The following MACF1 variants were observed in gnomAD, a reference collection of about 807,000 sequenced individuals.
MACF1 encodes the protein microtubule actin crosslinking factor 1.
In MACF1, 193 loss-of-function variants were observed where a neutral mutation model predicts 854.8. The observed-to-expected ratio is 0.23, with a 90% confidence interval of 0.20 to 0.25. MACF1 has a LOEUF of 0.25. Among genes scored for constraint, MACF1 ranks in the 10% least tolerant of loss-of-function variants. The probability of loss-of-function intolerance (pLI) is 1.00; values close to 1 mark genes in which losing one functional copy is unlikely to be tolerated. For missense variants in MACF1, 7,722 were observed against 8,929.1 expected, an observed-to-expected ratio of 0.86 and a Z score of 5.45; for synonymous variants, 3,185 against 3,226.7, an observed-to-expected ratio of 0.99 and a Z score of 0.44.
chr1:39,328,997 G>T (rs189303827), intron 36 of MACF1, among the ~76,000 whole-genome samples: 2 of 152,260 alleles, frequency 1.3e-5, no homozygotes, highest in Admixed American at 1.3e-4. Flanking sequence ...TTGTCATATT[G>T]TCTGTTCTGA....
At position 39,441,801 on chromosome 1, in the gene MACF1, C is replaced by T. The variant is rs1644124703; in HGVS notation, c.18673-151C>T. 4.7e-6 allele frequency: 3 copies of T among 640,766 alleles called. No homozygotes were observed. In the African/African-American group the frequency reaches 5.6e-5, roughly 12 times the overall value. The allele number at this position is 640,766 out of a possible 1,614,324, so 39.7% of individuals were successfully genotyped here. On this transcript the variant is annotated intron_variant, in intron 74 of 100. Coordinates refer to ENST00000564288, the MANE Select transcript of MACF1 (RefSeq NM_001394062.1). ...ATCACCATATTATTAATATAAAGAT[C>T]ATTATTCTTTATCTGTGCCCCTTAC... is the stretch of plus-strand genomic sequence containing the variant.
At chr1:39,088,694 G>A (rs1641734762) in intron 2 of MACF1, among the ~76,000 whole-genome samples, 1 of 152,204 alleles carries the variant, frequency 6.6e-6, no homozygotes, top group Non-Finnish European at 1.5e-5. Flanking sequence ...CAACCCCAAA[G>A]GGTAGAAACA....
chr1:39,423,323 T>C lies in MACF1; in HGVS notation c.16149+423T>C, dbSNP rs370251112. 2.8e-4 allele frequency among the ~76,000 whole-genome samples: 43 copies of C among 152,344 alleles called. 1 individual carries two copies. The South Asian group carries it at 8.7e-3, about 31-fold the overall frequency. On this transcript the variant is annotated intron_variant, in intron 60 of 100. Coordinates refer to ENST00000564288, the MANE Select transcript of MACF1 (RefSeq NM_001394062.1). ...TATTTTTTTCTCAGCTTTATTGGTA[T>C]ATAGTTGACAAATAAAAATTGTATA... is the stretch of plus-strand genomic sequence containing the variant.
intron 43 of MACF1, among the ~76,000 whole-genome samples, chr1:39,352,177 G>C (rs1647203598): frequency 6.6e-6 from 1 of 152,138 alleles, no homozygotes; most frequent in African/African-American, 2.4e-5. Flanking sequence ...GATGAATTTT[G>C]AAATAGATTA....
At chr1:39,169,899 G>A (rs961460133) in intron 2 of MACF1, among the ~76,000 whole-genome samples, 8 of 150,412 alleles carry the variant, frequency 5.3e-5, no homozygotes, top group Non-Finnish European at 1.0e-4. Context: ...TCAGCCTCCC[G>A]AGTAGCTGGG....
intron 49 of MACF1, among the ~76,000 whole-genome samples, chr1:39,364,162 A>G (rs1251144770): frequency 6.6e-6 from 1 of 152,158 alleles, no homozygotes; most frequent in African/African-American, 2.4e-5. Context: ...TTTCCCCTAT[A>G]GCCTCACCAA....
chr1:39,403,749 T>C (rs1642573465), intron 58 of MACF1, among the ~76,000 whole-genome samples: 1 of 152,184 alleles, frequency 6.6e-6, no homozygotes, highest in East Asian at 1.9e-4. Flanking sequence ...CTAAGTTTCA[T>C]TTATAAAGAT....
intron 58 of MACF1, among the ~76,000 whole-genome samples, chr1:39,393,131 A>G (rs1462410893): frequency 2.0e-5 from 3 of 148,976 alleles, no homozygotes; most frequent in Admixed American, 6.7e-5. Context: ...CGTTTTTATC[A>G]CTGAAACTTG....
chr1:39,353,066 G>C lies in MACF1; in HGVS notation c.11259G>C (p.Trp3753Cys). 1 of 1,614,014 alleles carries C rather than the reference G, an allele frequency of 6.2e-7. No individual in the cohort carries two copies. Among genetic ancestry groups the C allele is most frequent in the Non-Finnish European group, 8.5e-7 (1 of 1,180,006 alleles). The change falls in exon 44 of 101, where the codon TGG becomes TGC. Residue 3753 changes from tryptophan (W) to cysteine (C), a missense_variant. Transcript: ENST00000564288. The part of the protein sequence containing the change: ...NKKKIDALLD[W>C]VTSVGSSGGQ... ...AGAAGATCGATGCTCTCCTGGATTGGGTAACTTCAGTAGGATCATCTGGTG... is the reference window on the plus strand; with the variant it reads ...AGAAGATCGATGCTCTCCTGGATTGCGTAACTTCAGTAGGATCATCTGGTG...
At chr1:39,376,668 T>C (rs1374558420) in intron 52 of MACF1, among the ~76,000 whole-genome samples, 1 of 152,194 alleles carries the variant, frequency 6.6e-6, no homozygotes, top group African/African-American at 2.4e-5. Flanking sequence ...GAAAATATAA[T>C]AACATTAACA....
At chr1:39,091,644 C>G (rs577195793) in intron 2 of MACF1, among the ~76,000 whole-genome samples, 2 of 152,142 alleles carry the variant, frequency 1.3e-5, no homozygotes, top group Admixed American at 6.5e-5. Flanking sequence ...TACAGGTGTG[C>G]GCCACCATGC....
At chr1:39,469,027 C>G (rs1267958696) in intron 96 of MACF1, among the ~76,000 whole-genome samples, 2 of 152,108 alleles carry the variant, frequency 1.3e-5, no homozygotes, top group East Asian at 3.8e-4. Flanking sequence ...TAACACTATC[C>G]TAGAAAGGAG....
At chr1:39,190,507 T>G (rs757424567) in intron 2 of MACF1, among the ~76,000 whole-genome samples, 16 of 147,762 alleles carry the variant, frequency 1.1e-4, no homozygotes, top group Non-Finnish European at 1.8e-4. Flanking sequence ...CCAGCTAACT[T>G]ATTGTATTTT....
At chr1:39,201,082 G>A (rs1164310964), upstream of MACF1, among the ~76,000 whole-genome samples, 1 of 152,128 alleles carries the variant, frequency 6.6e-6, no homozygotes, top group African/African-American at 2.4e-5. Flanking sequence ...TCAGGAAATA[G>A]CAGTTCTATC....
chr1:39,460,504 C>T lies in MACF1; in HGVS notation c.21361-128C>T. On this transcript the variant is annotated intron_variant, in intron 91 of 100. Coordinates refer to ENST00000564288, the MANE Select transcript of MACF1 (RefSeq NM_001394062.1). This position sits in a 1 kb window ranked among gnomAD's most constrained non-coding sequence, Gnocchi z 4.1. ...TGTGCCTTCACAAAAGAAGCAAACA[C>T]ATAGATTTCATTGTTGATGGCCCCT... The T allele has an allele frequency of 1.3e-6, 1 of 770,846 alleles. No individual in the cohort carries two copies. Among genetic ancestry groups the T allele is most frequent in the Non-Finnish European group, 2.1e-6 (1 of 465,890 alleles). 47.8% of individuals were successfully genotyped at this position (770,846 alleles called of 1,614,324 possible). A position where few individuals can be genotyped will look rare whatever the true frequency, so the allele number is the denominator to read the frequency against.
chr1:39,151,916 G>C (rs1643587458), intron 2 of MACF1, among the ~76,000 whole-genome samples: 1 of 152,124 alleles, frequency 6.6e-6, no homozygotes, highest in Non-Finnish European at 1.5e-5. Flanking sequence ...TATGTGTTCA[G>C]TGGCAGTACT....
At chr1:39,429,207 A>G (rs1380094917) in intron 63 of MACF1, 35 bp from the exon 64 acceptor site, 2 of 1,096,350 alleles carry the variant, frequency 1.8e-6, no homozygotes, top group African/African-American at 1.6e-5. Flanking sequence ...TTGTAGTGCC[A>G]CAGTTTCAGG....
At chr1:39,455,286 GTCCTC>G (rs1644413342) in intron 89 of MACF1, among the ~76,000 whole-genome samples, 189 bp downstream of exon 89, 1 of 152,186 alleles carries the variant, frequency 6.6e-6, no homozygotes, top group Non-Finnish European at 1.5e-5. Flanking sequence ...AGTTGACTAA[GTCCTC>G]TTCCTGGAGT....
chr1:39,452,124 G>T, intron 85 of MACF1, 32 bp from the exon 86 acceptor site: 1 of 1,550,056 alleles, frequency 6.5e-7, no homozygotes, highest in South Asian at 1.2e-5. Context: ...AACATTCCTT[G>T]AACAAACAAA....
Sources: gnomAD v4.1 joint callset for allele counts (sites outside exome capture counted in the v4.1 genomes callset) on GRCh38, gnomAD v4.1.1 for gene constraint, Gnocchi (gnomAD v3.1) non-coding constraint, MANE v1.5 for transcripts, NCBI Gene and HGNC (gene_info 2026-07-23, HGNC 2026-07-21) for gene names.